The following FAF1 variants were observed in gnomAD, a reference collection of about 807,000 sequenced individuals.
The protein encoded by FAF1 is FAS-associated factor 1.
A neutral mutation model predicts 92.5 loss-of-function variants in FAF1; 25 were observed. The observed-to-expected ratio is 0.27, with a 90% CI of 0.20 to 0.38. FAF1 has a LOEUF of 0.38. FAF1 is among the 10% of genes least tolerant of loss of function. FAF1 has a pLI of 1.00. For synonymous variants in FAF1, 234 were observed against 273.2 expected (o/e 0.86, Z 1.42); for missense variants, 636 against 793.3 (o/e 0.80, Z 2.38).
At chr1:50,752,600 T>C (rs1198507317) in intron 4 of FAF1, among the ~76,000 whole-genome samples, 4 of 152,196 alleles carry the variant, frequency 2.6e-5, no homozygotes, top group Non-Finnish European at 5.9e-5. Context: ...CTACTACTTA[T>C]CCATTTTCCA....
rs1644947027 is a variant in FAF1, at chr1:50,919,618, G to A, written c.45+40149C>T. On this transcript the variant is annotated intron_variant, in intron 1 of 18. Coordinates refer to ENST00000396153, the MANE Select transcript of FAF1 (RefSeq NM_007051.3). ...TTCTCCTGCCTCAGCCTCCCGAGTA[G>A]CTGGGATTACAAGCACCTGACACCA... 2.0e-5 allele frequency among the ~76,000 whole-genome samples: 3 copies of A among 151,888 alleles called. No homozygotes were observed. The South Asian group carries it at 6.2e-4, about 31-fold the overall frequency.
intron 1 of FAF1, among the ~76,000 whole-genome samples, chr1:50,928,031 T>C (rs1230061481): frequency 1.3e-5 from 2 of 152,242 alleles, no homozygotes; most frequent in Admixed American, 6.5e-5. Flanking sequence ...AATTTTCATT[T>C]GCTTCAGTTA....
intron 4 of FAF1, among the ~76,000 whole-genome samples, chr1:50,786,694 A>G (rs763470349): frequency 3.9e-5 from 6 of 152,234 alleles, no homozygotes; most frequent in Non-Finnish European, 7.3e-5. Flanking sequence ...AGAAGAAGAA[A>G]CAAGTATAAA....
intron 13 of FAF1, among the ~76,000 whole-genome samples, chr1:50,555,655 C>G (rs886247742): frequency 6.6e-6 from 1 of 152,138 alleles, no homozygotes; most frequent in Non-Finnish European, 1.5e-5. Flanking sequence ...CTCTTATACA[C>G]TGTTGGTGGG....
At position 50,440,653 on chromosome 1, in the gene FAF1, T is replaced by A. The variant is rs543847409; in HGVS notation, c.*787A>T. 1 of 152,394 alleles carries A rather than the reference T, an allele frequency of 6.6e-6. No individual in the cohort carries two copies. The highest frequency in any genetic ancestry group is 2.1e-4 in the South Asian group (1 of 4,832). The allele number at this position is 152,394 out of a possible 1,614,324, so 9.4% of individuals were successfully genotyped here. A position where few individuals can be genotyped will look rare whatever the true frequency, so the allele number is the denominator to read the frequency against. ...ACTTGGGAGCTGGTATCTGTGAGGT[T>A]CTAACTGCCCAAATGCAAACCTAAC... is the stretch of plus-strand genomic sequence containing the variant. On this transcript the variant is annotated 3_prime_UTR_variant, in exon 19 of 19. Coordinates refer to ENST00000396153, the MANE Select transcript of FAF1 (RefSeq NM_007051.3).
intron 2 of FAF1, among the ~76,000 whole-genome samples, chr1:50,818,703 T>C (rs1644001442): frequency 6.6e-6 from 1 of 152,162 alleles, no homozygotes; most frequent in South Asian, 2.1e-4. Flanking sequence ...TTGGATTTTT[T>C]CAGATTTTGG....
At position 50,440,274 on chromosome 1, in the gene FAF1, T is replaced by C. The variant is rs1646155269; in HGVS notation, c.*1166A>G. 1 of 152,172 alleles carries C rather than the reference T, an allele frequency of 6.6e-6. No homozygotes were observed. The highest frequency in any genetic ancestry group is 2.1e-4 in the South Asian group (1 of 4,826). 9.4% of individuals were successfully genotyped at this position (152,172 alleles called of 1,614,324 possible). On this transcript the variant is annotated 3_prime_UTR_variant, in exon 19 of 19. Transcript: ENST00000396153. The stretch of plus-strand genomic sequence containing the variant: ...AAACCCCAAACCCCAAATCTGTAGA[T>C]TAAGAAAAATCCACACTTACTAAAT...
At chr1:50,672,253 G>C (rs1421420914) in intron 7 of FAF1, among the ~76,000 whole-genome samples, 2 of 152,046 alleles carry the variant, frequency 1.3e-5, no homozygotes, top group Non-Finnish European at 2.9e-5. Context: ...ATCTTGGCCA[G>C]GCTGGTCTTG....
At chr1:50,504,647 C>T (rs1277551304) in intron 15 of FAF1, among the ~76,000 whole-genome samples, 1 of 152,080 alleles carries the variant, frequency 6.6e-6, no homozygotes, top group African/African-American at 2.4e-5. Context: ...AATGGTAACA[C>T]CCAGTTTTAA....
chr1:50,910,734 C>A (rs556628307), intron 1 of FAF1, among the ~76,000 whole-genome samples: 1 of 151,806 alleles, frequency 6.6e-6, no homozygotes, highest in South Asian at 2.1e-4. Context: ...ATTGGAAAAG[C>A]GCAGTATTAG....
At chr1:50,665,263 T>C (rs151218958) in intron 7 of FAF1, among the ~76,000 whole-genome samples, 2 of 152,330 alleles carry the variant, frequency 1.3e-5, no homozygotes, top group African/African-American at 4.8e-5. Flanking sequence ...CAAGAAATAC[T>C]GTGGACCTGA....
intron 18 of FAF1, among the ~76,000 whole-genome samples, chr1:50,453,984 C>T (rs552830032): frequency 4.6e-5 from 7 of 152,268 alleles, no homozygotes; most frequent in African/African-American, 1.7e-4. Flanking sequence ...ACTTTTTGTC[C>T]TCTGAGATTC....
chr1:50,856,253 A>G (rs1430008584), intron 2 of FAF1, among the ~76,000 whole-genome samples: 2 of 151,710 alleles, frequency 1.3e-5, no homozygotes, highest in Non-Finnish European at 3.0e-5. Flanking sequence ...GGAATTTTTA[A>G]CCACCCCAAT....
intron 2 of FAF1, among the ~76,000 whole-genome samples, chr1:50,820,201 T>A (rs182435181): frequency 7.9e-5 from 12 of 152,262 alleles, no homozygotes; most frequent in Admixed American, 7.2e-4. Flanking sequence ...ATGAAAAAGT[T>A]CTGGAGATTT....
chr1:50,857,376 C>G (rs1000546431), intron 2 of FAF1, among the ~76,000 whole-genome samples: 7 of 151,682 alleles, frequency 4.6e-5, no homozygotes, highest in Non-Finnish European at 7.4e-5. Context: ...ACCAATACTG[C>G]TCCAATGCCA....
intron 15 of FAF1, among the ~76,000 whole-genome samples, chr1:50,516,363 C>A (rs1407393768): frequency 2.0e-5 from 3 of 152,124 alleles, no homozygotes; most frequent in Non-Finnish European, 4.4e-5. Context: ...CCAATCTGGT[C>A]TCTAACAGCT....
At chr1:50,662,375 A>G (rs1225760990) in intron 7 of FAF1, among the ~76,000 whole-genome samples, 2 of 152,186 alleles carry the variant, frequency 1.3e-5, no homozygotes, top group African/African-American at 2.4e-5. Flanking sequence ...TACTTTAAAA[A>G]CTTATTTCAA....
intron 18 of FAF1, among the ~76,000 whole-genome samples, chr1:50,450,734 T>C (rs1646284666): frequency 1.3e-5 from 2 of 152,236 alleles, no homozygotes; most frequent in Non-Finnish European, 2.9e-5. Flanking sequence ...GGGGAATTGC[T>C]GGGCATATGC....
chr1:50,917,624 A>AAAAGGGAAGG (rs1644928057), intron 1 of FAF1, among the ~76,000 whole-genome samples: 1 of 72,248 alleles, frequency 1.4e-5, no homozygotes, highest in Non-Finnish European at 2.7e-5. Context: ...AGGGAAAGGA[A>AAAAGGGAAGG]AAAGGAAAGG....
Sources: allele counts gnomAD v4.1 joint callset (sites outside exome capture counted in the v4.1 genomes callset), GRCh38; gene constraint gnomAD v4.1.1; transcripts MANE v1.5; gene names NCBI Gene and HGNC (gene_info 2026-07-23, HGNC 2026-07-21).